The following RBM33 variants were observed in gnomAD, a reference collection of about 807,000 sequenced individuals.
RBM33 encodes RNA binding motif protein 33.
In RBM33, 28 loss-of-function variants were observed where a neutral mutation model predicts 132.6. The ratio of observed to expected loss-of-function variants is 0.21; its 90% CI spans 0.16 to 0.29. The LOEUF is 0.29. RBM33 is among the 10% of genes least tolerant of loss of function. The pLI, the probability that RBM33 is intolerant of heterozygous loss-of-function variation, is 1.00. For missense variants in RBM33, 1,291 were observed against 1,518.5 expected, an observed-to-expected ratio of 0.85 and a Z score of 2.49; for synonymous variants, 634 against 593.0, an observed-to-expected ratio of 1.07 and a Z score of -1.01.
intron 6 of RBM33, among the ~76,000 whole-genome samples, chr7:155,703,508 A>G (rs1313365338): frequency 6.6e-6 from 1 of 152,238 alleles, no homozygotes; most frequent in Non-Finnish European, 1.5e-5. Flanking sequence ...AGGTGAAACC[A>G]TAGTTAAAAG....
intron 5 of RBM33, among the ~76,000 whole-genome samples, chr7:155,684,419 G>A (rs1052813833): frequency 6.6e-6 from 1 of 152,050 alleles, no homozygotes; most frequent in African/African-American, 2.4e-5. Context: ...TTGCTAATAC[G>A]CCCCTTAAGT....
intron 13 of RBM33, among the ~76,000 whole-genome samples, 157 bp downstream of exon 13, chr7:155,742,263 T>TA (rs1416657724): frequency 2.0e-5 from 3 of 150,848 alleles, no homozygotes; most frequent in African/African-American, 7.3e-5. Flanking sequence ...CCATGTTTAT[T>TA]AAAAAAACAC....
chr7:155,722,511 T>G (rs1800658713), intron 9 of RBM33, among the ~76,000 whole-genome samples: 1 of 152,272 alleles, frequency 6.6e-6, no homozygotes. Flanking sequence ...ATCTAATTGG[T>G]TTCTCTTTCT....
intron 3 of RBM33, among the ~76,000 whole-genome samples, chr7:155,678,077 C>G (rs1371092246): frequency 3.3e-5 from 5 of 152,166 alleles, no homozygotes; most frequent in East Asian, 3.9e-4. Context: ...CCATCAAGAA[C>G]AGGAGTGGGG....
chr7:155,649,498 G>C (rs901528789), intron 1 of RBM33, among the ~76,000 whole-genome samples: 1 of 152,186 alleles, frequency 6.6e-6, no homozygotes, highest in African/African-American at 2.4e-5. Context: ...TGATTCACCT[G>C]TGTAACTGAT....
At position 155,701,062 on chromosome 7, in the gene RBM33, C is replaced by T. The variant is rs567989135; in HGVS notation, c.739+118C>T. The T allele has an allele frequency of 3.5e-5, 30 of 857,414 alleles. 1 individual carries two copies. The highest frequency in any genetic ancestry group is 2.3e-4 in the South Asian group (16 of 69,194). The allele number at this position is 857,414 out of a possible 1,614,324, so 53.1% of individuals were successfully genotyped here. A position where few individuals can be genotyped will look rare whatever the true frequency, so the allele number is the denominator to read the frequency against. ...TGACTAGGTAATTGCGGCTGCCGTCCGGAGAGTGGCCGGACTTTGGAGTGA... is the reference window on the plus strand; with the variant it reads ...TGACTAGGTAATTGCGGCTGCCGTCTGGAGAGTGGCCGGACTTTGGAGTGA... On this transcript the variant is annotated intron_variant, in intron 6 of 17. Coordinates refer to ENST00000401878, the MANE Select transcript of RBM33 (RefSeq NM_053043.3).
At chr7:155,747,813 G>A (rs1055261510) in intron 14 of RBM33, among the ~76,000 whole-genome samples, 4 of 152,212 alleles carry the variant, frequency 2.6e-5, no homozygotes, top group Non-Finnish European at 4.4e-5. Context: ...TGTCTTGTTC[G>A]TATTTCTCTG....
chr7:155,703,290 G>A (rs943191143), intron 6 of RBM33, among the ~76,000 whole-genome samples: 3 of 152,134 alleles, frequency 2.0e-5, no homozygotes, highest in African/African-American at 7.2e-5. Flanking sequence ...GAAACTTTGT[G>A]TTCATGTAAT....
chr7:155,667,513 A>G (rs1212233291), intron 2 of RBM33, among the ~76,000 whole-genome samples: 1 of 152,174 alleles, frequency 6.6e-6, no homozygotes. Flanking sequence ...TCAAGATTCA[A>G]TTCAGGATCA....
chr7:155,678,866 A>G (rs7777639), intron 4 of RBM33, among the ~76,000 whole-genome samples, 182 bp downstream of exon 4: 4,640 of 152,312 alleles, frequency 0.03, 233 homozygotes, highest in African/African-American at 0.11. Flanking sequence ...TAAACAGAGC[A>G]GCTGTTTAAA....
At chr7:155,715,634 C>T (rs115440036) in intron 8 of RBM33, among the ~76,000 whole-genome samples, 5,009 of 152,312 alleles carry the variant, frequency 0.033, 260 homozygotes, top group African/African-American at 0.11. Context: ...TTTAGTGCCG[C>T]ATGTCCCTTA....
chr7:155,648,634 T>TC (rs754984707), intron 1 of RBM33, among the ~76,000 whole-genome samples: 2 of 145,846 alleles, frequency 1.4e-5, no homozygotes, highest in Non-Finnish European at 1.5e-5. Flanking sequence ...TTTTTTTTTT[T>TC]CCTTCAAGAA....
chr7:155,678,684 G>A lies in RBM33; in HGVS notation c.248G>A (p.Ser83Asn). 6.7e-7 allele frequency: 1 copy of A among 1,495,648 alleles called. No homozygotes were observed. Among genetic ancestry groups the A allele is most frequent in the South Asian group, 1.2e-5 (1 of 83,062 alleles). The allele number at this position is 1,495,648 out of a possible 1,614,324, so 92.6% of individuals were successfully genotyped here. A position where few individuals can be genotyped will look rare whatever the true frequency, so the allele number is the denominator to read the frequency against. Reference sequence around the variant, plus strand: ...GATAATGAAGATGAAGAAAATTTCAGGTACTCAATATTACCTCATTATAAA... The same window carrying A: ...GATAATGAAGATGAAGAAAATTTCAAGTACTCAATATTACCTCATTATAAA... The part of the protein sequence containing the change: ...QSDNEDEENF[S>N]SQGVTISLNA... Residue 83 changes from serine (S) to asparagine (N), a missense_variant and splice_region_variant, in exon 4 of 18, where the codon AGT becomes AAT. Ser to Asn is a conservative substitution (Grantham distance 46, BLOSUM62 1). Around this residue, in one of 7 missense-constraint regions of RBM33, gnomAD observed 194 missense variants for 249.8 expected, o/e 0.78. Transcript: ENST00000401878.
In RBM33 at chr7:155,685,166, T is replaced by C. The variant is rs544517803; in HGVS notation, c.567+4258T>C. ...TCGATACGTATCTTTGAACTGTGAG[T>C]GTATAGTGAAAAACTTGAACTTTCT... On this transcript the variant is annotated intron_variant, in intron 5 of 17. Transcript: ENST00000401878. The C allele has an allele frequency of 2.0e-5, 22 of 1,106,022 alleles. No individual in the cohort carries two copies. The South Asian group carries it at 2.2e-4, about 11-fold the overall frequency. The allele number at this position is 1,106,022 out of a possible 1,614,324, so 68.5% of individuals were successfully genotyped here.
chr7:155,662,096 T>C (rs1798668415), intron 1 of RBM33, among the ~76,000 whole-genome samples: 1 of 150,952 alleles, frequency 6.6e-6, no homozygotes, highest in Non-Finnish European at 1.5e-5. Context: ...CGCCGAAGCT[T>C]CTGATGTTGC....
chr7:155,646,532 A>G (rs1282724104), intron 1 of RBM33, among the ~76,000 whole-genome samples: 2 of 152,128 alleles, frequency 1.3e-5, no homozygotes, highest in East Asian at 1.9e-4. Flanking sequence ...CCCCACCAGC[A>G]TGTTGTGTGA....
chr7:155,742,078 C>T lies in RBM33; in HGVS notation c.2309C>T (p.Pro770Leu), dbSNP rs761914516. ...AAGCCAGCTAGCCCTGTGGCTCAAC[C>T]TAAAGAAGAGGCAAAAACAGAAACA... ...KVKPASPVAQ[P>L]KEEAKTETEF... Residue 770 changes from proline to leucine, a missense_variant, in exon 13 of 18, where the codon CCT becomes CTT. Pro to Leu is a moderately conservative substitution (Grantham distance 98). Coordinates refer to ENST00000401878, the MANE Select transcript of RBM33 (RefSeq NM_053043.3). 46 of 1,613,470 alleles carry T rather than the reference C, an allele frequency of 2.9e-5. No individual in the cohort carries two copies. The highest frequency in any genetic ancestry group is 5.5e-5 in the South Asian group (5 of 91,074).
chr7:155,761,764 A>G (rs1050035994), intron 14 of RBM33, among the ~76,000 whole-genome samples: 3 of 152,096 alleles, frequency 2.0e-5, no homozygotes, highest in Admixed American at 1.3e-4. Context: ...TCTGTTTACC[A>G]TGCCGTTGCT....
At chr7:155,723,009 C>T (rs1340747146) in intron 9 of RBM33, among the ~76,000 whole-genome samples, 1 of 152,176 alleles carries the variant, frequency 6.6e-6, no homozygotes, top group Non-Finnish European at 1.5e-5. Flanking sequence ...TCTTAACAAT[C>T]GTGTTCTTAC....
Sources: gnomAD v4.1 joint callset for allele counts (sites outside exome capture counted in the v4.1 genomes callset) on GRCh38, gnomAD v4.1.1 for gene constraint, gnomAD v4.1.1 regional missense constraint, MANE v1.5 for transcripts, NCBI Gene and HGNC (gene_info 2026-07-23, HGNC 2026-07-21) for gene names.